Variants in STK32B observed in about 807,000 individuals in gnomAD.
STK32B encodes serine/threonine kinase 32B.
In STK32B, 43 loss-of-function variants were observed where a neutral mutation model predicts 52.6. The ratio of observed to expected loss-of-function variants is 0.82; its 90% CI spans 0.64 to 1.05. The LOEUF (loss-of-function observed/expected upper bound fraction) is 1.05, where lower values mean the gene tolerates loss of function less well. Among genes scored for constraint, STK32B ranks in the 50% least tolerant of loss-of-function variants. STK32B has a pLI of 0.00. For synonymous variants in STK32B, 238 were observed against 204.3 expected (o/e 1.17, Z -1.41); for missense variants, 621 against 534.6 (o/e 1.16, Z -1.59).
Position 5,317,360 on chromosome 4 carries a change from AATGTATATG to A in STK32B, c.261-13859_261-13851del, listed in dbSNP as rs1224944233. 9.8e-4 allele frequency among the ~76,000 whole-genome samples: 77 copies of A among 78,732 alleles called. 5 individuals are homozygous for A. Among genetic ancestry groups the A allele is most frequent in the African/African-American group, 5.9e-3 (71 of 12,054 alleles). 51.7% of individuals were successfully genotyped at this position (78,732 alleles called of 152,430 possible). On this transcript the variant is annotated intron_variant, in intron 3 of 11. Coordinates refer to ENST00000282908, the MANE Select transcript of STK32B (RefSeq NM_018401.3). ...TATAATACATATATATAATATATAT[AATGTATATG>A]TATTATATATATTACATATATATAA...
intron 4 of STK32B, among the ~76,000 whole-genome samples, chr4:5,366,292 T>C (rs7656405): frequency 0.05 from 7,652 of 151,806 alleles, 298 homozygotes; most frequent in African/African-American, 0.1. Context: ...TTGGGTGTGT[T>C]CCTTCACAGT....
Position 5,339,680 on chromosome 4 carries a change from A to C in STK32B, c.434+8287A>C, listed in dbSNP as rs533081106. The stretch of plus-strand genomic sequence containing the variant: ...TCCCACAAATGCAAGCCTGGGTTGG[A>C]TTGCCAAGGATATTTATCTTCCATC... On this transcript the variant is annotated intron_variant, in intron 4 of 11. Coordinates refer to ENST00000282908, the MANE Select transcript of STK32B (RefSeq NM_018401.3). Among the ~76,000 whole-genome samples the C allele has an allele frequency of 1.0e-3, 158 of 152,286 alleles. 1 individual carries two copies. Among genetic ancestry groups the C allele is most frequent in the African/African-American group, 3.7e-3 (153 of 41,566 alleles).
At chr4:5,328,208 A>G (rs1732002030) in intron 3 of STK32B, among the ~76,000 whole-genome samples, 1 of 152,218 alleles carries the variant, frequency 6.6e-6, no homozygotes, top group African/African-American at 2.4e-5. Flanking sequence ...CCTCCCTATC[A>G]GCAATAAGGC....
chr4:5,183,597 G>T (rs1381394884), intron 3 of STK32B, among the ~76,000 whole-genome samples: 1 of 152,208 alleles, frequency 6.6e-6, no homozygotes, highest in Non-Finnish European at 1.5e-5. Context: ...ATGGGGGATG[G>T]CCAGTGAGTG....
intron 11 of STK32B, among the ~76,000 whole-genome samples, chr4:5,480,951 A>G (rs1201236572): frequency 6.6e-6 from 1 of 152,140 alleles, no homozygotes; most frequent in Non-Finnish European, 1.5e-5. Context: ...TATGGTGTAT[A>G]TGTGCCACAT....
At chr4:5,294,158 T>C (rs1029038405) in intron 3 of STK32B, among the ~76,000 whole-genome samples, 61 of 152,208 alleles carry the variant, frequency 4.0e-4, no homozygotes, top group African/African-American at 1.2e-3. Flanking sequence ...TATCTGTTTT[T>C]GTACCAGTAC....
intron 4 of STK32B, among the ~76,000 whole-genome samples, chr4:5,372,349 GC>G (rs1438426204): frequency 6.6e-6 from 1 of 152,142 alleles, no homozygotes; most frequent in Non-Finnish European, 1.5e-5. Context: ...TCTCTGTCCA[GC>G]CGGGCTGTAG....
At chr4:5,482,621 A>G (rs1190063194) in intron 11 of STK32B, among the ~76,000 whole-genome samples, 2 of 152,176 alleles carry the variant, frequency 1.3e-5, no homozygotes, top group Non-Finnish European at 2.9e-5. Flanking sequence ...TTCCAACACT[A>G]TATTGAATAG....
Position 5,456,892 on chromosome 4 carries a change from G to T in STK32B, c.752G>T (p.Trp251Leu). 1 of 1,585,354 alleles carries T rather than the reference G, an allele frequency of 6.3e-7. No homozygotes were observed. Among genetic ancestry groups the T allele is most frequent in the Non-Finnish European group, 8.6e-7 (1 of 1,164,378 alleles). Residue 251 changes from tryptophan to leucine, a missense_variant, in exon 8 of 12, where the codon TGG (tryptophan) becomes TTG (leucine). By Grantham distance (61) the Trp-to-Leu change is moderately conservative. Coordinates refer to ENST00000282908, the MANE Select transcript of STK32B (RefSeq NM_018401.3). ...KVERVHYSST[W>L]CKGMVALLRK... ...GAGCGTGTCCACTACTCCTCCACGT[G>T]GTGCAAGGGGATGGTGGCCCTGCTG... is the stretch of plus-strand genomic sequence containing the variant.
At chr4:5,166,339 T>A (rs1295030898) in intron 2 of STK32B, among the ~76,000 whole-genome samples, 1 of 151,564 alleles carries the variant, frequency 6.6e-6, no homozygotes, top group Non-Finnish European at 1.5e-5. Context: ...CCTCTCTCTG[T>A]GAAGCGGGGA....
chr4:5,185,426 C>A (rs1720671559), intron 3 of STK32B, among the ~76,000 whole-genome samples: 1 of 152,154 alleles, frequency 6.6e-6, no homozygotes, highest in South Asian at 2.1e-4. Flanking sequence ...AGCCAAGAAA[C>A]AATCACTTAA....
chr4:5,434,756 A>G (rs1177345446), intron 6 of STK32B, among the ~76,000 whole-genome samples: 1 of 152,220 alleles, frequency 6.6e-6, no homozygotes, highest in Admixed American at 6.5e-5. Context: ...CCTAGCATCT[A>G]GAAGTGCTCT....
chr4:5,488,809 A>C (rs1358835797), intron 11 of STK32B, among the ~76,000 whole-genome samples: 1 of 151,996 alleles, frequency 6.6e-6, no homozygotes, highest in Non-Finnish European at 1.5e-5. Context: ...CAGTTCTTTT[A>C]TATCTTGTTT....
At chr4:5,144,784 TCATC>T (rs112099943) in intron 2 of STK32B, among the ~76,000 whole-genome samples, 38,064 of 95,156 alleles carry the variant, frequency 0.4, 5,073 homozygotes, top group East Asian at 0.58. Flanking sequence ...ACTCATTCAC[TCATC>T]CATCCATCCA....
At chr4:5,300,825 G>T (rs1363169145) in intron 3 of STK32B, among the ~76,000 whole-genome samples, 1 of 152,088 alleles carries the variant, frequency 6.6e-6, no homozygotes, top group African/African-American at 2.4e-5. Context: ...CATGCTCATG[G>T]ATTGGAAGAA....
At chr4:5,176,284 G>C (rs184373905) in intron 3 of STK32B, among the ~76,000 whole-genome samples, 139 of 152,132 alleles carry the variant, frequency 9.1e-4, no homozygotes, top group African/African-American at 3.2e-3. Flanking sequence ...TTTGGTTCAC[G>C]CATGGTGTGC....
chr4:5,140,046 G>A, intron 2 of STK32B, 86 bp downstream of exon 2: 2 of 1,552,050 alleles, frequency 1.3e-6, no homozygotes, highest in Non-Finnish European at 1.8e-6. Flanking sequence ...CACTGGGAAT[G>A]TTCTGTTTGA....
At chr4:5,463,367 A>G (rs1320787811) in intron 9 of STK32B, among the ~76,000 whole-genome samples, 4 of 152,118 alleles carry the variant, frequency 2.6e-5, no homozygotes, top group Non-Finnish European at 2.9e-5. Flanking sequence ...GCTTTGCCAT[A>G]TTGTGTGCCT....
At chr4:5,076,494 A>G (rs941952149) in intron 1 of STK32B, among the ~76,000 whole-genome samples, 1 of 152,180 alleles carries the variant, frequency 6.6e-6, no homozygotes, top group Non-Finnish European at 1.5e-5. Context: ...GAATTACTAG[A>G]CAAAAGCATA....
Sources: gnomAD v4.1 joint callset for allele counts (sites outside exome capture counted in the v4.1 genomes callset) on GRCh38, gnomAD v4.1.1 for gene constraint, MANE v1.5 for transcripts, NCBI Gene and HGNC (gene_info 2026-07-23, HGNC 2026-07-21) for gene names.